Variants in RAB5C observed in about 807,000 individuals in gnomAD.
The protein encoded by RAB5C is ras-related protein Rab-5C.
A neutral mutation model predicts 25.2 loss-of-function variants in RAB5C; 4 were observed. That is an observed-to-expected ratio of 0.16 (90% confidence interval 0.08 to 0.36). The LOEUF (loss-of-function observed/expected upper bound fraction) is 0.36, where lower values mean the gene tolerates loss of function less well. RAB5C is among the 10% of genes least tolerant of loss of function. The pLI is 1.00. For synonymous variants in RAB5C, 100 were observed against 106.4 expected (o/e 0.94, Z 0.37); for missense variants, 199 against 283.8 (o/e 0.70, Z 2.15).
intron 1 of RAB5C, among the ~76,000 whole-genome samples, chr17:42,138,574 A>T (rs1168710502): frequency 3.3e-5 from 5 of 152,196 alleles, no homozygotes; most frequent in African/African-American, 1.2e-4. Flanking sequence ...GTCCCCTTCC[A>T]CAGGGAAAGC....
chr17:42,128,143 G>C, intron 4 of RAB5C, 118 bp downstream of exon 4: 1 of 1,415,888 alleles, frequency 7.1e-7, no homozygotes, highest in Non-Finnish European at 9.5e-7. Flanking sequence ...GAGGACAGCA[G>C]ATGGAAGCTT....
intron 1 of RAB5C, among the ~76,000 whole-genome samples, chr17:42,150,384 A>G (rs1276531312): frequency 6.6e-6 from 1 of 151,174 alleles, no homozygotes; most frequent in African/African-American, 2.4e-5. Context: ...TCTCTACTAA[A>G]AGTACAAAAA....
intron 1 of RAB5C, among the ~76,000 whole-genome samples, chr17:42,146,461 C>A (rs2079635665): frequency 6.6e-6 from 1 of 152,044 alleles, no homozygotes; most frequent in Non-Finnish European, 1.5e-5. Context: ...ACAAAAAAAT[C>A]AAAAATTGCC....
intron 1 of RAB5C, among the ~76,000 whole-genome samples, chr17:42,152,071 T>C (rs895080136): frequency 2.6e-5 from 4 of 151,980 alleles, no homozygotes; most frequent in Admixed American, 2.6e-4. Context: ...GGCAAACTAC[T>C]TAAGTTCCTT....
chr17:42,154,753 C>G (rs993336811), intron 1 of RAB5C, 140 bp downstream of exon 1: 1 of 152,388 alleles, frequency 6.6e-6, no homozygotes, highest in African/African-American at 2.4e-5. Flanking sequence ...GGCCCGACGC[C>G]TGGGGAGCCC....
Position 42,153,340 on chromosome 17 carries a change from C to A in RAB5C, c.-89+1553G>T, listed in dbSNP as rs909346882. On this transcript the variant is annotated intron_variant, in intron 1 of 5. Coordinates refer to ENST00000346213, the MANE Select transcript of RAB5C (RefSeq NM_004583.4). ...GCTGAGGCAAGAGAACTGCTTGAAC[C>A]CAGGAGGCAGAGGTTGCAGTGAGCC... Among the ~76,000 whole-genome samples, 8 of 152,030 alleles carry A rather than the reference C, an allele frequency of 5.3e-5. No homozygotes were observed. The East Asian group carries it at 1.4e-3, about 26-fold the overall frequency.
chr17:42,144,173 T>C (rs946186531), intron 1 of RAB5C, among the ~76,000 whole-genome samples: 3 of 151,980 alleles, frequency 2.0e-5, no homozygotes, highest in Non-Finnish European at 2.9e-5. Flanking sequence ...TGGGGGAGAA[T>C]AGGCCAGGCG....
chr17:42,130,499 C>G lies in RAB5C; in HGVS notation c.4G>C (p.Ala2Pro). M[A>P]GRGGAARPNG... ...GGTCGTGCTGCGCCTCCCCGACCCG[C>G]CATTGCCCGTCCAGCTGTAGTGGTC... The change falls in exon 2 of 6, where the codon GCG becomes CCG. Residue 2 changes from alanine (A) to proline (P), a missense_variant. By Grantham distance (27) the Ala-to-Pro change is conservative (BLOSUM62 -1). Coordinates refer to ENST00000346213, the MANE Select transcript of RAB5C (RefSeq NM_004583.4). The G allele has an allele frequency of 6.2e-7, 1 of 1,614,060 alleles. No individual in the cohort carries two copies. The highest frequency in any genetic ancestry group is 1.1e-5 in the South Asian group (1 of 91,082).
At chr17:42,139,915 C>T (rs1041424991) in intron 1 of RAB5C, among the ~76,000 whole-genome samples, 1 of 152,196 alleles carries the variant, frequency 6.6e-6, no homozygotes, top group Non-Finnish European at 1.5e-5. Flanking sequence ...GAGTGCCATC[C>T]AAGGCAAAGG....
chr17:42,147,195 G>A (rs888042936), intron 1 of RAB5C, among the ~76,000 whole-genome samples: 2 of 152,066 alleles, frequency 1.3e-5, no homozygotes, highest in Admixed American at 6.6e-5. Flanking sequence ...CAGCCTCAAG[G>A]TGAGCAGAGG....
chr17:42,145,309 A>G (rs1432230499), intron 1 of RAB5C, among the ~76,000 whole-genome samples: 1 of 152,202 alleles, frequency 6.6e-6, no homozygotes, highest in East Asian at 1.9e-4. Flanking sequence ...TGCATGCAGC[A>G]TGGAAAGGGG....
At chr17:42,128,945 C>A in intron 2 of RAB5C, 145 bp from the exon 3 acceptor site, 1 of 757,578 alleles carries the variant, frequency 1.3e-6, no homozygotes. Context: ...CAAAGCAGGC[C>A]TGAGTGGGGG....
chr17:42,125,076 C>T lies in RAB5C; in HGVS notation c.*707G>A, dbSNP rs1444521180. On this transcript the variant is annotated 3_prime_UTR_variant, in exon 6 of 6. Transcript: ENST00000346213. The stretch of plus-strand genomic sequence containing the variant: ...AAAATACAGAAAAAGTTGGTTCCGT[C>T]CCCTCCCACTCCCCCCCTTACCCAC... 6.5e-6 allele frequency: 1 copy of T among 152,720 alleles called. No homozygotes were observed. The highest frequency in any genetic ancestry group is 2.4e-5 in the African/African-American group (1 of 41,430). 9.5% of individuals were successfully genotyped at this position (152,720 alleles called of 1,614,324 possible).
chr17:42,150,028 G>A (rs1292479585), intron 1 of RAB5C, among the ~76,000 whole-genome samples: 1 of 152,040 alleles, frequency 6.6e-6, no homozygotes, highest in Non-Finnish European at 1.5e-5. Context: ...GGGATTACAG[G>A]CATGTGCCAC....
At chr17:42,147,213 A>G (rs554239156) in intron 1 of RAB5C, among the ~76,000 whole-genome samples, 1 of 152,286 alleles carries the variant, frequency 6.6e-6, no homozygotes, top group Admixed American at 6.5e-5. Flanking sequence ...AGGATATCCA[A>G]GTACTGCAGG....
chr17:42,145,736 A>C (rs770747545), intron 1 of RAB5C, among the ~76,000 whole-genome samples: 20 of 152,256 alleles, frequency 1.3e-4, no homozygotes, highest in Non-Finnish European at 2.1e-4. Flanking sequence ...AGCCTGGCTG[A>C]CAGAGCAAGA....
intron 1 of RAB5C, among the ~76,000 whole-genome samples, chr17:42,138,148 C>T (rs1156440182): frequency 6.6e-6 from 1 of 152,016 alleles, no homozygotes; most frequent in Non-Finnish European, 1.5e-5. Flanking sequence ...GAGGTTATAA[C>T]AGTATGATAT....
At position 42,151,218 on chromosome 17, in the gene RAB5C, C is replaced by G. The variant is rs543626499; in HGVS notation, c.-89+3675G>C. ...TTGGGAGGCCAGGGTGGGCGGATCA[C>G]GAGGTCAGGAGATCGAGACCATCCT... On this transcript the variant is annotated intron_variant, in intron 1 of 5. Transcript: ENST00000346213. Among the ~76,000 whole-genome samples, 33 of 152,238 alleles carry G rather than the reference C, an allele frequency of 2.2e-4. No homozygotes were observed. The East Asian group carries it at 3.1e-3, about 14-fold the overall frequency.
chr17:42,152,963 T>G (rs2079681849), intron 1 of RAB5C, among the ~76,000 whole-genome samples: 1 of 152,210 alleles, frequency 6.6e-6, no homozygotes, highest in African/African-American at 2.4e-5. Context: ...GTCAGGCCTC[T>G]CTGGCCCTGC....
Sources: allele counts gnomAD v4.1 joint callset (sites outside exome capture counted in the v4.1 genomes callset), GRCh38; gene constraint gnomAD v4.1.1; transcripts MANE v1.5; gene names NCBI Gene and HGNC (gene_info 2026-07-23, HGNC 2026-07-21).